The following DCN variants were observed in gnomAD, a reference collection of about 807,000 sequenced individuals.
The protein encoded by DCN is decorin.
In DCN, 17 loss-of-function variants were observed where a neutral mutation model predicts 36.5. That is an observed-to-expected ratio of 0.47 (90% CI 0.32 to 0.70). The LOEUF is 0.70. DCN is among the 30% of genes least tolerant of loss of function. The pLI is 0.04. For synonymous variants in DCN, 163 were observed against 161.4 expected, an observed-to-expected ratio of 1.01 and a Z score of -0.07; for missense variants, 389 against 430.1, an observed-to-expected ratio of 0.90 and a Z score of 0.84.
rs1195199959 is a variant in DCN at position 91,156,931 on chromosome 12, A to G, written c.652+144T>C. 4 of 635,776 alleles carry G rather than the reference A, an allele frequency of 6.3e-6. No individual in the cohort carries two copies. In the Admixed American group the frequency reaches 7.6e-5, roughly 12 times the overall value. The allele number at this position is 635,776 out of a possible 1,614,324, so 39.4% of individuals were successfully genotyped here. A position where few individuals can be genotyped will look rare whatever the true frequency, so the allele number is the denominator to read the frequency against. On this transcript the variant is annotated intron_variant, in intron 5 of 7. Coordinates refer to ENST00000052754, the MANE Select transcript of DCN (RefSeq NM_001920.5). Reference sequence around the variant, plus strand: ...AATTTGCTGGAAATATAAACACTGGATGAAACACTAGCAGTAATAGAGAAT... The same window carrying G: ...AATTTGCTGGAAATATAAACACTGGGTGAAACACTAGCAGTAATAGAGAAT...
intron 2 of DCN, among the ~76,000 whole-genome samples, chr12:91,170,114 T>A (rs1161886977): frequency 1.3e-5 from 2 of 151,464 alleles, no homozygotes; most frequent in Non-Finnish European, 3.0e-5. Flanking sequence ...GTTTAAACCC[T>A]CTGTCCTCAG....
chr12:91,162,396 T>A (rs1387778489), intron 3 of DCN, among the ~76,000 whole-genome samples: 2 of 152,210 alleles, frequency 1.3e-5, no homozygotes, highest in Non-Finnish European at 2.9e-5. Context: ...AATGGTATCT[T>A]CATTATAGTA....
In DCN at chr12:91,145,771, A is replaced by T. The variant is rs1352109696; in HGVS notation, c.*287T>A. ...AAAAGAAAAGCTTTACTAAATATTG[A>T]CATATATATTTACTCCAAATTTTAC... On this transcript the variant is annotated 3_prime_UTR_variant, in exon 8 of 8. Transcript: ENST00000052754. 4 of 448,700 alleles carry T rather than the reference A, an allele frequency of 8.9e-6. No individual in the cohort carries two copies. The Admixed American group carries it at 1.4e-4, about 15-fold the overall frequency. 27.8% of individuals were successfully genotyped at this position (448,700 alleles called of 1,614,324 possible). A position where few individuals can be genotyped will look rare whatever the true frequency, so the allele number is the denominator to read the frequency against.
At chr12:91,154,067 T>C (rs1435133812) in intron 5 of DCN, among the ~76,000 whole-genome samples, 4 of 152,116 alleles carry the variant, frequency 2.6e-5, no homozygotes, top group Admixed American at 2.6e-4. Flanking sequence ...AAAGAACATC[T>C]GATTGGCAGA....
chr12:91,153,249 G>T, intron 5 of DCN, 60 bp from the exon 6 acceptor site: 1 of 957,218 alleles, frequency 1.0e-6, no homozygotes, highest in Non-Finnish European at 1.7e-6. Context: ...ACAGAATGTG[G>T]ACAAACTTAA....
intron 2 of DCN, chr12:91,172,713 A>G (rs1178318498): frequency 1.2e-5 from 8 of 692,008 alleles, no homozygotes; most frequent in Non-Finnish European, 2.1e-5. Flanking sequence ...AGAATATTGT[A>G]GAATATTCAT....
At position 91,166,186 on chromosome 12, in the gene DCN, A is replaced by G. The variant is rs575357573; in HGVS notation, c.212-1469T>C. ...GCAGGTGGAATCTTGTTCTTAATTC[A>G]GTGACCACCTATCTTTATAAGTTTA... On this transcript the variant is annotated intron_variant, in intron 2 of 7. Transcript: ENST00000052754. Among the ~76,000 whole-genome samples, 6 of 152,252 alleles carry G rather than the reference A, an allele frequency of 3.9e-5. No individual in the cohort carries two copies. In the East Asian group the frequency reaches 1.2e-3, roughly 29 times the overall value.
At chr12:91,165,275 T>G (rs1227487365) in intron 2 of DCN, among the ~76,000 whole-genome samples, 2 of 152,180 alleles carry the variant, frequency 1.3e-5, no homozygotes, top group Non-Finnish European at 2.9e-5. Flanking sequence ...TTAGTTTTCA[T>G]TGGAATGCCA....
At chr12:91,160,440 T>C (rs1427078544) in intron 3 of DCN, among the ~76,000 whole-genome samples, 1 of 152,072 alleles carries the variant, frequency 6.6e-6, no homozygotes, top group Admixed American at 6.6e-5. Flanking sequence ...ATGTAGGTCT[T>C]ACACTGTACC....
chr12:91,177,452 A>ATTTTT, intron 2 of DCN: 1 of 635,354 alleles, frequency 1.6e-6, no homozygotes, highest in Admixed American at 2.7e-5. Flanking sequence ...TGATATAAAG[A>ATTTTT]TTTTTTTTTC....
In DCN at chr12:91,142,248, G is replaced by A. The variant is rs1225451159; in HGVS notation, c.*3810C>T. 6.6e-6 allele frequency: 1 copy of A among 152,228 alleles called. No homozygotes were observed. Among genetic ancestry groups the A allele is most frequent in the Non-Finnish European group, 1.5e-5 (1 of 68,044 alleles). The allele number at this position is 152,228 out of a possible 1,614,324, so 9.4% of individuals were successfully genotyped here. On this transcript the variant is annotated 3_prime_UTR_variant, in exon 8 of 8. Transcript: ENST00000052754. ...CCTCGAATGTCTGTGCTGCAGGAGA[G>A]TCTGAAGGACAGTGAAGTCTTGTGA...
At chr12:91,151,853 T>C (rs549107283) in intron 6 of DCN, 61 bp from the exon 7 acceptor site, 1 of 1,598,260 alleles carries the variant, frequency 6.3e-7, no homozygotes, top group African/African-American at 1.3e-5. Flanking sequence ...TTACAAGCAT[T>C]GTGTAGTTAA....
intron 3 of DCN, among the ~76,000 whole-genome samples, chr12:91,160,315 C>T (rs1238367397): frequency 6.6e-6 from 1 of 151,854 alleles, no homozygotes; most frequent in Non-Finnish European, 1.5e-5. Flanking sequence ...CCATAGAAGA[C>T]CATTTTGAAA....
chr12:91,165,819 C>A (rs138294967), intron 2 of DCN, among the ~76,000 whole-genome samples: 1 of 152,020 alleles, frequency 6.6e-6, no homozygotes, highest in Non-Finnish European at 1.5e-5. Context: ...TTCAACAAGC[C>A]TTTATTGAAT....
In DCN at chr12:91,144,778, A is replaced by C. The variant is rs940166529; in HGVS notation, c.*1280T>G. 1 of 152,122 alleles carries C rather than the reference A, an allele frequency of 6.6e-6. No homozygotes were observed. Among genetic ancestry groups the C allele is most frequent in the African/African-American group, 2.4e-5 (1 of 41,402 alleles). The allele number at this position is 152,122 out of a possible 1,614,324, so 9.4% of individuals were successfully genotyped here. A position where few individuals can be genotyped will look rare whatever the true frequency, so the allele number is the denominator to read the frequency against. On this transcript the variant is annotated 3_prime_UTR_variant, in exon 8 of 8. Transcript: ENST00000052754. ...TATGCATCTATGGAAACCCACCTCAACTGTTATCTCCTCAAGTTTTTCATG... is the reference window on the plus strand; with the variant it reads ...TATGCATCTATGGAAACCCACCTCACCTGTTATCTCCTCAAGTTTTTCATG...
At chr12:91,171,513 T>A (rs1247005708) in intron 2 of DCN, among the ~76,000 whole-genome samples, 1 of 152,188 alleles carries the variant, frequency 6.6e-6, no homozygotes, top group Non-Finnish European at 1.5e-5. Flanking sequence ...TTGTGATGCC[T>A]CTAGGAATCA....
At position 91,164,581 on chromosome 12, in the gene DCN, G is replaced by A. The variant is rs754315861; in HGVS notation, c.324+24C>T. The A allele has an allele frequency of 5.5e-6, 7 of 1,282,302 alleles. No homozygotes were observed. The South Asian group carries it at 8.3e-5, about 15-fold the overall frequency. The allele number at this position is 1,282,302 out of a possible 1,614,324, so 79.4% of individuals were successfully genotyped here. A position where few individuals can be genotyped will look rare whatever the true frequency, so the allele number is the denominator to read the frequency against. ...AATACCTTGAGTCTTATCTTATTGT[G>A]AGTTAAAAAAAAATAGTTCTTACGT... On this transcript the variant is annotated intron_variant, in intron 3 of 7. Coordinates refer to ENST00000052754, the MANE Select transcript of DCN (RefSeq NM_001920.5).
Position 91,151,700 on chromosome 12 carries a change from T to C in DCN, c.839A>G (p.Lys280Arg). The stretch of plus-strand genomic sequence containing the variant: ...CAGCCCACCAGGTACTCTGGTAAGC[T>C]TGTTGTTGTCCAAGTGAAGCTCCCT... ...HLRELHLDNN[K>R]LTRVPGGLAE... Residue 280 changes from lysine to arginine, a missense_variant, in exon 7 of 8, where the codon AAG becomes AGG. Transcript: ENST00000052754. 1 of 1,614,098 alleles carries C rather than the reference T, an allele frequency of 6.2e-7. No individual in the cohort carries two copies. Among genetic ancestry groups the C allele is most frequent in the Non-Finnish European group, 8.5e-7 (1 of 1,179,962 alleles).
At chr12:91,170,386 G>A (rs1592702495) in intron 2 of DCN, among the ~76,000 whole-genome samples, 1 of 152,120 alleles carries the variant, frequency 6.6e-6, no homozygotes, top group African/African-American at 2.4e-5. Context: ...AGCACAAGGT[G>A]TTCATCTAAA....
Sources: gnomAD v4.1 joint callset for allele counts (sites outside exome capture counted in the v4.1 genomes callset) on GRCh38, gnomAD v4.1.1 for gene constraint, MANE v1.5 for transcripts, NCBI Gene and HGNC (gene_info 2026-07-23, HGNC 2026-07-21) for gene names.